The following BPNT2 variants were observed in gnomAD, a reference collection of about 807,000 sequenced individuals.
BPNT2 encodes the protein Golgi-resident adenosine 3',5'-bisphosphate 3'-phosphatase.
Under a neutral mutation model 29.3 loss-of-function variants are expected in BPNT2, and 11 were observed. That is an observed-to-expected ratio of 0.38 (90% CI 0.24 to 0.62). The LOEUF (loss-of-function observed/expected upper bound fraction) is 0.62, where lower values mean the gene tolerates loss of function less well. Ranked by LOEUF, BPNT2 falls within the 20% of genes least tolerant of loss-of-function variation. The probability of loss-of-function intolerance (pLI) is 0.62; values close to 1 mark genes in which losing one functional copy is unlikely to be tolerated. For missense variants in BPNT2, 459 were observed against 473.4 expected (o/e 0.97, Z 0.28); for synonymous variants, 195 against 187.7 (o/e 1.04, Z -0.32).
chr8:56,990,780 T>G (rs529411472), intron 1 of BPNT2, among the ~76,000 whole-genome samples: 1 of 152,086 alleles, frequency 6.6e-6, no homozygotes, highest in African/African-American at 2.4e-5. Flanking sequence ...CTGTCTCCAG[T>G]TGAGTGCTCT....
rs1805895011 is a variant in BPNT2 at position 56,964,031 on chromosome 8, T to C, written c.842A>G (p.Asp281Gly). The C allele has an allele frequency of 6.2e-7, 1 of 1,603,802 alleles. No individual in the cohort carries two copies. The highest frequency in any genetic ancestry group is 8.5e-7 in the Non-Finnish European group (1 of 1,173,478). ...TAAATCAGCTTTTTCTTGACTCTTA[T>C]CAGGCACATCCAAAAGTGCTAAAAC... ...YKVLALLDVP[D>G]KSQEKADLYI... The change falls in exon 5 of 5, where the codon GAT (aspartate) becomes GGT (glycine). Residue 281 changes from aspartate to glycine, a missense_variant. Physicochemically the swap from Asp to Gly is moderately conservative, Grantham distance 94. Transcript: ENST00000262644.
chr8:56,975,332 A>G (rs1806114442), intron 3 of BPNT2, among the ~76,000 whole-genome samples: 1 of 152,220 alleles, frequency 6.6e-6, no homozygotes, highest in Non-Finnish European at 1.5e-5. Flanking sequence ...TTCTTGAACC[A>G]CTGTAATCAG....
intron 3 of BPNT2, 29 bp from the exon 4 acceptor site, chr8:56,966,381 G>A (rs372423687): frequency 2.3e-5 from 36 of 1,599,622 alleles, no homozygotes; most frequent in Non-Finnish European, 2.9e-5. Context: ...ATCCATTAAT[G>A]GCACTGAAGC....
At position 56,961,443 on chromosome 8, in the gene BPNT2, A is replaced by AT. The variant is rs1168617475; in HGVS notation, c.*2349dup. On this transcript the variant is annotated 3_prime_UTR_variant, in exon 5 of 5. Coordinates refer to ENST00000262644, the MANE Select transcript of BPNT2 (RefSeq NM_017813.5). ...TTTATAAAAGTACTTAAAAAAAATC[A>AT]TTAGTAACTAGACTATACCCAACAT... 6.6e-6 allele frequency: 1 copy of AT among 152,234 alleles called. No individual in the cohort carries two copies. The highest frequency in any genetic ancestry group is 1.5e-5 in the Non-Finnish European group (1 of 68,040). The allele number at this position is 152,234 out of a possible 1,614,324, so 9.4% of individuals were successfully genotyped here. A position where few individuals can be genotyped will look rare whatever the true frequency, so the allele number is the denominator to read the frequency against.
In BPNT2 at chr8:56,993,336, C is replaced by A; in HGVS notation, c.250G>T (p.Val84Phe). The A allele has an allele frequency of 6.2e-7, 1 of 1,611,424 alleles. No homozygotes were observed. Among genetic ancestry groups the A allele is most frequent in the Non-Finnish European group, 8.5e-7 (1 of 1,179,912 alleles). ...AVRGGDEVRR[V>F]RESNVLHEKS... is the part of the protein sequence containing the mutation. ...TCGTGGAGGACGTTGCTCTCGCGGA[C>A]GCGCCTCACCTCGTCGCCGCCGCGG... Residue 84 changes from valine (V) to phenylalanine (F), a missense_variant, in exon 1 of 5, where the codon GTC (valine) becomes TTC (phenylalanine). Val to Phe is a conservative substitution (Grantham distance 50). Transcript: ENST00000262644.
chr8:56,959,790 C>T lies in BPNT2; in HGVS notation c.*4003G>A, dbSNP rs556222735. On this transcript the variant is annotated 3_prime_UTR_variant, in exon 5 of 5. Transcript: ENST00000262644. ...TTTCAATTTAATTTTAATGAATCTC[C>T]CCCAACTATAATATTAAAAACATCA... is the stretch of plus-strand genomic sequence containing the variant. 6.6e-6 allele frequency: 1 copy of T among 152,056 alleles called. No individual in the cohort carries two copies. Among genetic ancestry groups the T allele is most frequent in the South Asian group, 2.1e-4 (1 of 4,800 alleles). The allele number at this position is 152,056 out of a possible 1,614,324, so 9.4% of individuals were successfully genotyped here.
intron 3 of BPNT2, among the ~76,000 whole-genome samples, chr8:56,968,363 A>G (rs927372573): frequency 2.6e-5 from 4 of 151,978 alleles, no homozygotes; most frequent in Non-Finnish European, 4.4e-5. Context: ...AAACAGATAA[A>G]AGGGATCACA....
intron 1 of BPNT2, among the ~76,000 whole-genome samples, chr8:56,987,545 C>G (rs193146813): frequency 6.6e-6 from 1 of 152,198 alleles, no homozygotes; most frequent in Non-Finnish European, 1.5e-5. Flanking sequence ...GTTCTCAGGC[C>G]TTTGGACTTG....
At chr8:56,972,534 T>C (rs572183005) in intron 3 of BPNT2, among the ~76,000 whole-genome samples, 232 of 152,250 alleles carry the variant, frequency 1.5e-3, no homozygotes, top group African/African-American at 5.3e-3. Context: ...TTATCTCATA[T>C]TGAAAATGCA....
At position 56,962,450 on chromosome 8, in the gene BPNT2, T is replaced by C. The variant is rs879131458; in HGVS notation, c.*1343A>G. 7.9e-5 allele frequency: 12 copies of C among 152,326 alleles called. No individual in the cohort carries two copies. In the South Asian group the frequency reaches 2.5e-3, roughly 32 times the overall value. 9.4% of individuals were successfully genotyped at this position (152,326 alleles called of 1,614,324 possible). A position where few individuals can be genotyped will look rare whatever the true frequency, so the allele number is the denominator to read the frequency against. On this transcript the variant is annotated 3_prime_UTR_variant, in exon 5 of 5. Coordinates refer to ENST00000262644, the MANE Select transcript of BPNT2 (RefSeq NM_017813.5). ...TCCCTCTCATCAGCATGTTATGGAA[T>C]ACAAGGGCACTGGAGTCACATGAAA...
chr8:56,980,249 T>A (rs1487524844), intron 1 of BPNT2, 52 bp from the exon 2 acceptor site: 2 of 1,400,526 alleles, frequency 1.4e-6, no homozygotes, highest in Non-Finnish European at 2.0e-6. Context: ...CAATCACTAT[T>A]TGATAAACTA....
intron 1 of BPNT2, among the ~76,000 whole-genome samples, chr8:56,982,122 A>G (rs890853177): frequency 6.6e-6 from 1 of 150,964 alleles, no homozygotes; most frequent in Non-Finnish European, 1.5e-5. Flanking sequence ...ATCATTAAAT[A>G]TCTCTTTTTT....
At chr8:56,976,406 C>A (rs1806136531) in intron 3 of BPNT2, among the ~76,000 whole-genome samples, 1 of 152,104 alleles carries the variant, frequency 6.6e-6, no homozygotes, top group Non-Finnish European at 1.5e-5. Flanking sequence ...TAGTGTGTAT[C>A]CTAACTAATT....
At chr8:56,968,232 AAAAAG>A (rs1334172626) in intron 3 of BPNT2, among the ~76,000 whole-genome samples, 1 of 152,094 alleles carries the variant, frequency 6.6e-6, no homozygotes, top group Non-Finnish European at 1.5e-5. Context: ...GAAACTGAAT[AAAAAG>A]AAAAGAACAA....
intron 3 of BPNT2, among the ~76,000 whole-genome samples, 197 bp downstream of exon 3, chr8:56,977,853 C>T (rs1041665944): frequency 1.3e-5 from 2 of 152,144 alleles, no homozygotes; most frequent in African/African-American, 2.4e-5. Context: ...TTCAGCACCA[C>T]GATTTTAGAT....
intron 1 of BPNT2, among the ~76,000 whole-genome samples, chr8:56,987,748 A>G (rs1232691957): frequency 7.7e-6 from 1 of 130,002 alleles, no homozygotes; most frequent in Admixed American, 8.0e-5. Flanking sequence ...TTTTTTTTTG[A>G]GATGGAGTCT....
chr8:56,962,254 A>G lies in BPNT2; in HGVS notation c.*1539T>C, dbSNP rs938190541. On this transcript the variant is annotated 3_prime_UTR_variant, in exon 5 of 5. Transcript: ENST00000262644. ...ATTTGTGTCATATTAGATTCAGTTT[A>G]CTAATAAGAAAGTAAAGGGCTTTGG... The G allele has an allele frequency of 2.0e-5, 3 of 152,250 alleles. No homozygotes were observed. Among genetic ancestry groups the G allele is most frequent in the Middle Eastern group, 3.2e-3 (1 of 316 alleles). The allele number at this position is 152,250 out of a possible 1,614,324, so 9.4% of individuals were successfully genotyped here. A position where few individuals can be genotyped will look rare whatever the true frequency, so the allele number is the denominator to read the frequency against.
At chr8:56,975,281 A>G (rs1585560870) in intron 3 of BPNT2, among the ~76,000 whole-genome samples, 1 of 152,290 alleles carries the variant, frequency 6.6e-6, no homozygotes, top group Non-Finnish European at 1.5e-5. Context: ...CCACTAAAGC[A>G]CACCTACGCT....
intron 4 of BPNT2, among the ~76,000 whole-genome samples, chr8:56,964,872 A>G (rs886452256): frequency 2.0e-5 from 3 of 152,194 alleles, no homozygotes; most frequent in African/African-American, 7.2e-5. Context: ...TGCAGAAGAA[A>G]CTGGGTCTAG....
Sources: gnomAD v4.1 joint callset for allele counts (sites outside exome capture counted in the v4.1 genomes callset) on GRCh38, gnomAD v4.1.1 for gene constraint, MANE v1.5 for transcripts, NCBI Gene and HGNC (gene_info 2026-07-23, HGNC 2026-07-21) for gene names.